The following CYP2J2 variants were observed in gnomAD, a reference collection of about 807,000 sequenced individuals.
CYP2J2 encodes cytochrome P450 family 2 subfamily J member 2, also known as cytochrome P450 2J2.
Under a neutral mutation model 48.8 loss-of-function variants are expected in CYP2J2, and 41 were observed. That is an observed-to-expected ratio of 0.84 (90% CI 0.66 to 1.09). The LOEUF is 1.09. Among genes scored for constraint, CYP2J2 ranks in the 50% least tolerant of loss-of-function variants. The pLI is 0.00. For missense variants in CYP2J2, 644 were observed against 617.3 expected (o/e 1.04, Z -0.46); for synonymous variants, 221 against 227.1 (o/e 0.97, Z 0.24).
At chr1:59,957,635 G>A in the CYP2J2 span, among the ~76,000 whole-genome samples, 1 of 151,544 alleles carries the variant, frequency 6.6e-6, no homozygotes, top group African/African-American at 2.4e-5. Context: ...TCTTAGCCAT[G>A]ATAAACAAGG....
At chr1:59,967,905 TAAACAGAC>T in the CYP2J2 span, among the ~76,000 whole-genome samples, 1 of 152,320 alleles carries the variant, frequency 6.6e-6, no homozygotes, top group Non-Finnish European at 1.5e-5. Context: ...TCACTATATA[TAAACAGAC>T]AAACAGCTGC....
At chr1:59,922,039 T>C (rs1298133914) in intron 1 of CYP2J2, among the ~76,000 whole-genome samples, 1 of 152,186 alleles carries the variant, frequency 6.6e-6, no homozygotes, top group Non-Finnish European at 1.5e-5. Flanking sequence ...TCCAGCGCAC[T>C]GGCGGCATCG....
chr1:59,895,241 A>G (rs1205620094), intron 8 of CYP2J2, among the ~76,000 whole-genome samples: 6 of 152,206 alleles, frequency 3.9e-5, no homozygotes, highest in Non-Finnish European at 8.8e-5. Flanking sequence ...TTTAGCTGTC[A>G]TGTCGCCTTA....
intron 3 of CYP2J2, 118 bp downstream of exon 3, chr1:59,912,044 C>T (rs1644421266): frequency 1.7e-6 from 2 of 1,169,744 alleles, no homozygotes; most frequent in Non-Finnish European, 1.2e-6. Flanking sequence ...GTTCACTGTT[C>T]TATCTTCCAT....
chr1:59,956,446 T>C, the CYP2J2 span, among the ~76,000 whole-genome samples: 1 of 152,110 alleles, frequency 6.6e-6, no homozygotes, highest in South Asian at 2.1e-4. Context: ...GAGTACAGTA[T>C]TTTAGAAGGA....
chr1:59,958,495 A>G, the CYP2J2 span, among the ~76,000 whole-genome samples: 2 of 150,134 alleles, frequency 1.3e-5, no homozygotes, highest in African/African-American at 2.5e-5. Context: ...TATCACTGGA[A>G]CTGGAAGTGG....
At chr1:59,911,378 C>T (rs1574253940) in intron 4 of CYP2J2, among the ~76,000 whole-genome samples, 1 of 152,114 alleles carries the variant, frequency 6.6e-6, no homozygotes, top group East Asian at 1.9e-4. Context: ...TGTCATATAA[C>T]ATGTTGTACT....
At chr1:59,925,499 C>A (rs1367710439) in intron 1 of CYP2J2, among the ~76,000 whole-genome samples, 2 of 152,072 alleles carry the variant, frequency 1.3e-5, no homozygotes, top group African/African-American at 4.8e-5. Context: ...ACAATGGAGT[C>A]AAACTGGAAA....
At chr1:59,914,649 G>T (rs1644447948) in intron 2 of CYP2J2, among the ~76,000 whole-genome samples, 1 of 152,106 alleles carries the variant, frequency 6.6e-6, no homozygotes, top group Non-Finnish European at 1.5e-5. Flanking sequence ...GATAAACCAG[G>T]GGCGCAATGC....
At chr1:59,951,097 T>G in the CYP2J2 span, among the ~76,000 whole-genome samples, 2 of 152,212 alleles carry the variant, frequency 1.3e-5, no homozygotes, top group Non-Finnish European at 2.9e-5. Context: ...TTGTGGCCAC[T>G]TTTGAAAACA....
intron 1 of CYP2J2, among the ~76,000 whole-genome samples, chr1:59,923,740 T>C (rs11572207): frequency 0.12 from 17,638 of 152,104 alleles, 1,221 homozygotes; most frequent in Admixed American, 0.17. Context: ...CAGAAGAACA[T>C]ATTCAAACTA....
chr1:59,901,074 C>T lies in CYP2J2; in HGVS notation c.1221G>A (p.Ala407=), dbSNP rs148214062. ...KGTMILTNLT[A]LHRDPTEWAT... is the part of the protein sequence containing the mutation. ...CCCACTCTGTGGGGTCCCTGTGCAGCGCCGTCAAATTGGTCAGGATCATGG... is the reference window on the plus strand; with the variant it reads ...CCCACTCTGTGGGGTCCCTGTGCAGTGCCGTCAAATTGGTCAGGATCATGG... Residue 407 remains alanine (A), a synonymous_variant, in exon 8 of 9, where the codon GCG becomes GCA. Transcript: ENST00000371204. The T allele has an allele frequency of 4.7e-4, 759 of 1,614,002 alleles. 1 individual carries two copies. In the African/African-American group the frequency reaches 8.1e-3, roughly 17 times the overall value.
intron 1 of CYP2J2, among the ~76,000 whole-genome samples, chr1:59,917,524 T>C (rs979617515): frequency 2.0e-5 from 3 of 152,176 alleles, no homozygotes; most frequent in Admixed American, 2.0e-4. Context: ...ATGTAAGATT[T>C]GAGGACAAAG....
the CYP2J2 span, among the ~76,000 whole-genome samples, chr1:59,941,077 T>G: frequency 6.6e-6 from 1 of 152,234 alleles, no homozygotes; most frequent in Non-Finnish European, 1.5e-5. Context: ...TAATGTTGGA[T>G]AGCAGAGTAA....
At chr1:59,906,711 T>A (rs747824071) in intron 6 of CYP2J2, among the ~76,000 whole-genome samples, 1 of 152,178 alleles carries the variant, frequency 6.6e-6, no homozygotes, top group Non-Finnish European at 1.5e-5. Flanking sequence ...CTATTCTTGA[T>A]AACTCATGTA....
At chr1:59,922,821 A>G (rs1282600559) in intron 1 of CYP2J2, among the ~76,000 whole-genome samples, 1 of 152,214 alleles carries the variant, frequency 6.6e-6, no homozygotes, top group East Asian at 1.9e-4. Context: ...TAGCCTTTTT[A>G]CTTCTTTGTT....
chr1:59,903,312 G>A (rs1243732936), intron 7 of CYP2J2, among the ~76,000 whole-genome samples: 1 of 152,198 alleles, frequency 6.6e-6, no homozygotes. Flanking sequence ...AGCAAGGAAA[G>A]GAACTGAAAA....
At chr1:59,920,087 T>A (rs1469649814) in intron 1 of CYP2J2, among the ~76,000 whole-genome samples, 2 of 151,980 alleles carry the variant, frequency 1.3e-5, no homozygotes, top group Non-Finnish European at 2.9e-5. Flanking sequence ...AGAGATGATT[T>A]TCCACCACAG....
the CYP2J2 span, among the ~76,000 whole-genome samples, chr1:59,941,998 C>T: frequency 6.6e-6 from 1 of 152,188 alleles, no homozygotes; most frequent in East Asian, 1.9e-4. Context: ...TCCACTCACA[C>T]ACTGACTCAC....
Sources: allele counts gnomAD v4.1 joint callset (sites outside exome capture counted in the v4.1 genomes callset), GRCh38; gene constraint gnomAD v4.1.1; transcripts MANE v1.5; gene names NCBI Gene and HGNC (gene_info 2026-07-23, HGNC 2026-07-21).